The following ZNF334 variants were observed in gnomAD, a reference collection of about 807,000 sequenced individuals.
ZNF334 encodes zinc finger protein 334.
A neutral mutation model predicts 12.4 loss-of-function variants in ZNF334; 14 were observed. The ratio of observed to expected loss-of-function variants is 1.13; its 90% confidence interval spans 0.74 to 1.76. ZNF334 has a LOEUF of 1.76. Ranked by LOEUF, ZNF334 falls within the 40% of genes most tolerant of loss-of-function variation. ZNF334 has a pLI of 0.00. For missense variants in ZNF334, 797 were observed against 804.5 expected (o/e 0.99, Z 0.11); for synonymous variants, 273 against 269.6 (o/e 1.01, Z -0.12).
the ZNF334 span, among the ~76,000 whole-genome samples, chr20:46,465,736 T>C: frequency 3.9e-5 from 6 of 151,960 alleles, no homozygotes; most frequent in African/African-American, 1.2e-4. Context: ...GGGTGGATCA[T>C]GAGGTCAGGA....
the ZNF334 span, among the ~76,000 whole-genome samples, chr20:46,472,710 G>T: frequency 6.6e-6 from 1 of 152,298 alleles, no homozygotes; most frequent in South Asian, 2.1e-4. Flanking sequence ...GAAGAGTGAA[G>T]ATTTAGGCTT....
At chr20:46,489,780 A>G in the ZNF334 span, among the ~76,000 whole-genome samples, 11 of 152,148 alleles carry the variant, frequency 7.2e-5, no homozygotes, top group South Asian at 2.3e-3. Flanking sequence ...ACTCATGTAT[A>G]TTTATAAATA....
At chr20:46,490,512 G>A in the ZNF334 span, among the ~76,000 whole-genome samples, 3 of 152,076 alleles carry the variant, frequency 2.0e-5, no homozygotes, top group Non-Finnish European at 2.9e-5. Context: ...AGGATTTCAC[G>A]TGATTCTTTT....
Position 46,502,297 on chromosome 20 carries a change from G to C in ZNF334, c.1042C>G (p.Pro348Ala), listed in dbSNP as rs780106380. The C allele has an allele frequency of 8.7e-6, 14 of 1,613,998 alleles. No homozygotes were observed. Among genetic ancestry groups the C allele is most frequent in the East Asian group, 6.7e-5 (3 of 44,886 alleles). ...EHFRSHTGEK[P>A]YECKECGNAF... ...TTTCCACATTCCTTGCATTCGTAAG[G>C]CTTCTCCCCTGTGTGTGACCTGAAA... Residue 348 changes from proline to alanine, a missense_variant, in exon 5 of 5, where the codon CCT becomes GCT. Physicochemically the swap from Pro to Ala is conservative, Grantham distance 27. Coordinates refer to ENST00000692313, the MANE Select transcript of ZNF334 (RefSeq NM_001353824.2).
intron 2 of ZNF334, chr20:46,509,864 T>C: frequency 1.7e-6 from 1 of 591,754 alleles, no homozygotes; most frequent in Non-Finnish European, 3.0e-6. Context: ...AAGTATGTTC[T>C]GTAAAAAGAT....
At chr20:46,509,509 G>A in intron 2 of ZNF334, 1 of 696,706 alleles carries the variant, frequency 1.4e-6, no homozygotes, top group Admixed American at 2.0e-5. Context: ...CAGCACGTGG[G>A]TCAGCACATG....
chr20:46,502,257 T>A lies in ZNF334; in HGVS notation c.1082A>T (p.Lys361Ile). The A allele has an allele frequency of 6.2e-7, 1 of 1,614,156 alleles. No homozygotes were observed. The highest frequency in any genetic ancestry group is 1.3e-5 in the African/African-American group (1 of 75,052). The part of the protein sequence containing the change: ...CKECGNAFSK[K>I]SYLVVHQRTH... ...TCTTTGATGTACAACAAGATACGAT[T>A]TCTTGCTGAAGGCATTTCCACATTC... The change falls in exon 5 of 5, where the codon AAA (lysine) becomes ATA (isoleucine). Residue 361 changes from lysine (K) to isoleucine (I), a missense_variant. Physicochemically the swap from Lys to Ile is moderately radical, Grantham distance 102. Transcript: ENST00000692313.
chr20:46,466,138 A>T, the ZNF334 span, among the ~76,000 whole-genome samples: 9 of 152,146 alleles, frequency 5.9e-5, no homozygotes, highest in Non-Finnish European at 1.0e-4. Flanking sequence ...TATAGAGATA[A>T]TATAAAAAAA....
chr20:46,467,228 G>C, the ZNF334 span, among the ~76,000 whole-genome samples: 1 of 152,164 alleles, frequency 6.6e-6, no homozygotes, highest in East Asian at 1.9e-4. Flanking sequence ...TATTCTAAAT[G>C]ATATGGCTGG....
downstream of ZNF334, among the ~76,000 whole-genome samples, chr20:46,494,707 A>G (rs2060992411): frequency 6.6e-6 from 1 of 152,210 alleles, no homozygotes; most frequent in Non-Finnish European, 1.5e-5. Flanking sequence ...ATATGTTTCA[A>G]ATACACGAAG....
downstream of ZNF334, among the ~76,000 whole-genome samples, chr20:46,498,325 A>C (rs896864310): frequency 2.2e-4 from 34 of 152,210 alleles, no homozygotes; most frequent in Non-Finnish European, 4.1e-4. Flanking sequence ...GTTATAAGGG[A>C]AACTGTGGCT....
chr20:46,488,180 T>C, the ZNF334 span, among the ~76,000 whole-genome samples: 1 of 152,022 alleles, frequency 6.6e-6, no homozygotes, highest in Non-Finnish European at 1.5e-5. Context: ...ATTTGTCATA[T>C]CTGTTCTTCC....
chr20:46,501,277 T>C lies in ZNF334; in HGVS notation c.*19A>G, dbSNP rs2061148599. On this transcript the variant is annotated 3_prime_UTR_variant, in exon 5 of 5. Coordinates refer to ENST00000692313, the MANE Select transcript of ZNF334 (RefSeq NM_001353824.2). ...TATTTGATTTGTTGCTTTGTTGGAA[T>C]TTATTACTTTGTTGGAACTTATTCC... The C allele has an allele frequency of 6.3e-7, 1 of 1,595,746 alleles. No homozygotes were observed. The highest frequency in any genetic ancestry group is 1.3e-5 in the African/African-American group (1 of 74,186).
chr20:46,474,828 A>G, the ZNF334 span: 1 of 152,372 alleles, frequency 6.6e-6, no homozygotes, highest in African/African-American at 2.4e-5. Flanking sequence ...GGTGCAAATA[A>G]TTTCACCAAT....
the ZNF334 span, among the ~76,000 whole-genome samples, chr20:46,488,664 C>A: frequency 6.6e-6 from 1 of 151,694 alleles, no homozygotes; most frequent in Non-Finnish European, 1.5e-5. Context: ...TTTTCTTCTG[C>A]CCTGCAGGAC....
At position 46,502,146 on chromosome 20, in the gene ZNF334, A is replaced by G; in HGVS notation, c.1193T>C (p.Ile398Thr). Reference sequence around the variant, plus strand: ...TTCATAGGGTTTTTCCCCTGTGTGAATTCTCTGATGCGCAGTAAGGGCTGA... The same window carrying G: ...TTCATAGGGTTTTTCCCCTGTGTGAGTTCTCTGATGCGCAGTAAGGGCTGA... ...CQSALTAHQR[I>T]HTGEKPYECS... The change falls in exon 5 of 5, where the codon ATT becomes ACT. Residue 398 changes from isoleucine (I) to threonine (T), a missense_variant. Coordinates refer to ENST00000692313, the MANE Select transcript of ZNF334 (RefSeq NM_001353824.2). The G allele has an allele frequency of 6.2e-7, 1 of 1,614,054 alleles. No individual in the cohort carries two copies. The highest frequency in any genetic ancestry group is 1.6e-4 in the Middle Eastern group (1 of 6,062).
chr20:46,495,416 G>A (rs775801420), downstream of ZNF334, among the ~76,000 whole-genome samples: 4 of 151,124 alleles, frequency 2.6e-5, no homozygotes, highest in Non-Finnish European at 5.9e-5. Flanking sequence ...AAGACAACTG[G>A]CTGTTGAATA....
the ZNF334 span, among the ~76,000 whole-genome samples, chr20:46,486,304 C>T: frequency 6.6e-6 from 1 of 152,154 alleles, no homozygotes; most frequent in African/African-American, 2.4e-5. Flanking sequence ...GTCCCAGCTA[C>T]TTGGGAGGCT....
rs2061117740 is a variant in ZNF334, at chr20:46,500,490, T to C, written c.*806A>G. On this transcript the variant is annotated 3_prime_UTR_variant, in exon 5 of 5. Coordinates refer to ENST00000692313, the MANE Select transcript of ZNF334 (RefSeq NM_001353824.2). ...CTAATTGACATAAACCACTGGTAGA[T>C]GGGGTTGAGTGGATATTACAGAATA... The C allele has an allele frequency of 6.6e-6, 1 of 152,192 alleles. No homozygotes were observed. The highest frequency in any genetic ancestry group is 1.5e-5 in the Non-Finnish European group (1 of 68,028). The allele number at this position is 152,192 out of a possible 1,614,324, so 9.4% of individuals were successfully genotyped here.
Sources: gnomAD v4.1 joint callset for allele counts (sites outside exome capture counted in the v4.1 genomes callset) on GRCh38, gnomAD v4.1.1 for gene constraint, MANE v1.5 for transcripts, NCBI Gene and HGNC (gene_info 2026-07-23, HGNC 2026-07-21) for gene names.